Variants in GSE1 observed in about 807,000 individuals in gnomAD.
The protein encoded by GSE1 is genetic suppressor element 1.
GSE1 carries 32 observed loss-of-function variants against 112.6 expected under a neutral mutation model. The ratio of observed to expected loss-of-function variants is 0.28; its 90% CI spans 0.21 to 0.38. GSE1 has a LOEUF of 0.38. GSE1 is among the 10% of genes least tolerant of loss of function. The probability of loss-of-function intolerance (pLI) is 1.00; values close to 1 mark genes in which losing one functional copy is unlikely to be tolerated. For missense variants in GSE1, 2,348 were observed against 1,699.2 expected, an observed-to-expected ratio of 1.38 and a Z score of -6.71; for synonymous variants, 1,115 against 735.6, an observed-to-expected ratio of 1.52 and a Z score of -8.35.
chr16:85,430,759 C>G (rs1177435817), intron 2 of GSE1, among the ~76,000 whole-genome samples: 1 of 152,230 alleles, frequency 6.6e-6, no homozygotes, highest in Non-Finnish European at 1.5e-5. Flanking sequence ...CGTAGGCACA[C>G]ACGTGCATGA....
chr16:85,577,513 A>G (rs534814405), intron 1 of GSE1, among the ~76,000 whole-genome samples: 4 of 151,856 alleles, frequency 2.6e-5, no homozygotes, highest in African/African-American at 9.7e-5. Context: ...TTGAGCGCCT[A>G]CTCTATGCAG....
At chr16:85,267,949 G>C (rs1373822006) in intron 1 of GSE1, among the ~76,000 whole-genome samples, 2 of 152,126 alleles carry the variant, frequency 1.3e-5, no homozygotes, top group Non-Finnish European at 2.9e-5. Flanking sequence ...TGGGAGATGG[G>C]GCTAATAGCA....
At chr16:85,181,342 CG>C (rs2074579533) in intron 1 of GSE1, among the ~76,000 whole-genome samples, 1 of 152,142 alleles carries the variant, frequency 6.6e-6, no homozygotes, top group Admixed American at 6.5e-5. Flanking sequence ...TAAGAGAGTT[CG>C]GGGTGGAGGT....
chr16:85,199,157 A>G (rs2074982548), intron 1 of GSE1, among the ~76,000 whole-genome samples: 1 of 151,986 alleles, frequency 6.6e-6, no homozygotes, highest in African/African-American at 2.4e-5. Context: ...GGGTTTCAGC[A>G]TGTTGGCCAG....
chr16:85,330,584 G>A lies in GSE1; in HGVS notation c.2284-26879G>A, dbSNP rs181158433. On this transcript the variant is annotated intron_variant, in intron 1 of 2. Transcript: ENST00000637419. The stretch of plus-strand genomic sequence containing the variant: ...CTGGGGCACTGTGAGGGGCTGCAGC[G>A]CCCCACTGCCATGTCGTCTGCCTCT... 4.1e-3 allele frequency among the ~76,000 whole-genome samples: 621 copies of A among 152,336 alleles called. 4 individuals carry two copies. The highest frequency in any genetic ancestry group is 0.014 in the African/African-American group (599 of 41,570).
intron 1 of GSE1, among the ~76,000 whole-genome samples, chr16:85,208,699 A>G (rs903722608): frequency 2.6e-4 from 39 of 151,736 alleles, no homozygotes; most frequent in African/African-American, 2.4e-5. Flanking sequence ...TAAAAATGTA[A>G]AAGTCATTCT....
At chr16:85,485,638 G>T (rs993154982) in intron 2 of GSE1, among the ~76,000 whole-genome samples, 1 of 152,246 alleles carries the variant, frequency 6.6e-6, no homozygotes, top group Admixed American at 6.5e-5. Context: ...AGCCTTCCTC[G>T]GATTAAAGCC....
intron 2 of GSE1, among the ~76,000 whole-genome samples, chr16:85,643,915 T>C (rs552447062): frequency 3.3e-5 from 5 of 151,848 alleles, no homozygotes; most frequent in Admixed American, 6.5e-5. Flanking sequence ...GGTGTGTTGG[T>C]TTTATTTCCT....
intron 1 of GSE1, among the ~76,000 whole-genome samples, chr16:85,325,026 G>A (rs1309181462): frequency 2.6e-5 from 4 of 152,040 alleles, no homozygotes; most frequent in Non-Finnish European, 5.9e-5. Flanking sequence ...GGAATGCAAT[G>A]GTACAATCTC....
rs761985118 is a variant in GSE1, at chr16:85,654,264, C to T, written c.427-14C>T. ...ACCAGGCTCCTGCCCTGACTGGACG[C>T]TCTCCTCCCGCAGGATGCCGGCTCC... On this transcript the variant is annotated splice_polypyrimidine_tract_variant and intron_variant, in intron 3 of 15. Transcript: ENST00000253458. 5 of 1,579,618 alleles carry T rather than the reference C, an allele frequency of 3.2e-6. No individual in the cohort carries two copies. In the African/African-American group the frequency reaches 4.1e-5, roughly 13 times the overall value.
chr16:85,374,289 C>T lies in GSE1; in HGVS notation c.2464+16646C>T, dbSNP rs370313557. ...TGCAGTGTGTGTCAGTGTGTATGTGCGTGGTTGTGTGTGGCCCTCGGTGTG... is the reference window on the plus strand; with the variant it reads ...TGCAGTGTGTGTCAGTGTGTATGTGTGTGGTTGTGTGTGGCCCTCGGTGTG... On this transcript the variant is annotated intron_variant, in intron 2 of 2. Coordinates refer to the GSE1 transcript ENST00000637419. 1.6e-4 allele frequency among the ~76,000 whole-genome samples: 21 copies of T among 129,904 alleles called. No individual in the cohort carries two copies. The East Asian group carries it at 3.1e-3, about 19-fold the overall frequency. The allele number at this position is 129,904 out of a possible 152,430, so 85.2% of individuals were successfully genotyped here.
At chr16:85,196,230 G>T (rs551711084) in intron 1 of GSE1, among the ~76,000 whole-genome samples, 10 of 152,166 alleles carry the variant, frequency 6.6e-5, no homozygotes, top group Non-Finnish European at 1.0e-4. Context: ...CCTGAGTGAG[G>T]CCCCTGAAAT....
intron 1 of GSE1, among the ~76,000 whole-genome samples, chr16:85,280,669 T>C (rs2044831167): frequency 6.6e-6 from 1 of 152,210 alleles, no homozygotes; most frequent in African/African-American, 2.4e-5. Flanking sequence ...GTGCTGGGAT[T>C]ACAGGCGTGA....
chr16:85,581,522 C>G (rs2046447135), intron 1 of GSE1, among the ~76,000 whole-genome samples: 1 of 151,996 alleles, frequency 6.6e-6, no homozygotes, highest in Admixed American at 6.5e-5. Context: ...GAGGTTTATG[C>G]CACAGTTGTG....
chr16:85,650,962 C>T (rs2151891195), intron 3 of GSE1, among the ~76,000 whole-genome samples: 1 of 151,960 alleles, frequency 6.6e-6, no homozygotes, highest in South Asian at 2.1e-4. Context: ...TTAAAGCTAA[C>T]AGGGCATGTC....
chr16:85,652,802 C>G (rs1009649401), intron 3 of GSE1, among the ~76,000 whole-genome samples: 4 of 152,190 alleles, frequency 2.6e-5, no homozygotes, highest in African/African-American at 9.7e-5. Flanking sequence ...CCTGGGCCAT[C>G]ATTCCTGCTG....
rs1023744288 is a variant in GSE1 at position 85,221,225 on chromosome 16, C to T, written c.2283+49418C>T. Reference sequence around the variant, plus strand: ...CTCCCGTGCTGGGCGGGCGGGGGGCCGGGCTGTGCGAGGAGCCCCACTGTG... The same window carrying T: ...CTCCCGTGCTGGGCGGGCGGGGGGCTGGGCTGTGCGAGGAGCCCCACTGTG... On this transcript the variant is annotated intron_variant, in intron 1 of 2. Coordinates refer to the GSE1 transcript ENST00000637419. Among the ~76,000 whole-genome samples, 7 of 151,966 alleles carry T rather than the reference C, an allele frequency of 4.6e-5. No homozygotes were observed. The South Asian group carries it at 1.0e-3, about 23-fold the overall frequency.
upstream of GSE1, among the ~76,000 whole-genome samples, chr16:85,553,568 G>A (rs1036479469): frequency 3.3e-5 from 5 of 152,034 alleles, no homozygotes; most frequent in African/African-American, 4.8e-5. Flanking sequence ...GCGAGCTTGG[G>A]GACTCAAAGA....
At chr16:85,669,608 T>G (rs935646682) in intron 14 of GSE1, among the ~76,000 whole-genome samples, 1 of 152,234 alleles carries the variant, frequency 6.6e-6, no homozygotes, top group African/African-American at 2.4e-5. Context: ...ACACAGTGAT[T>G]TTTAACTCTC....
Sources: allele counts gnomAD v4.1 joint callset (sites outside exome capture counted in the v4.1 genomes callset), GRCh38; gene constraint gnomAD v4.1.1; transcripts MANE v1.5; gene names NCBI Gene and HGNC (gene_info 2026-07-23, HGNC 2026-07-21).